SGCD: variants seen among roughly 807,000 people sequenced by gnomAD.
SGCD encodes the protein sarcoglycan delta.
A neutral mutation model predicts 36.6 loss-of-function variants in SGCD; 18 were observed. The ratio of observed to expected loss-of-function variants is 0.49; its 90% confidence interval spans 0.34 to 0.73. SGCD has a LOEUF of 0.73. Ranked by LOEUF, SGCD falls within the 30% of genes least tolerant of loss-of-function variation. The pLI is 0.01. For synonymous variants in SGCD, 133 were observed against 130.6 expected (o/e 1.02, Z -0.12); for missense variants, 387 against 346.7 (o/e 1.12, Z -0.92).
At chr5:156,136,567 G>GATAT (rs1762463485) in intron 3 of SGCD, among the ~76,000 whole-genome samples, 3 of 152,156 alleles carry the variant, frequency 2.0e-5, no homozygotes, top group Non-Finnish European at 4.4e-5. Flanking sequence ...TAGTGATATA[G>GATAT]AGGGAATTGT....
the SGCD span, among the ~76,000 whole-genome samples, chr5:155,741,364 A>G: frequency 2.0e-5 from 3 of 152,180 alleles, no homozygotes; most frequent in Admixed American, 2.0e-4. Context: ...TCTCTATAGA[A>G]TGTGGATTTT....
chr5:156,444,163 T>C (rs1753657695), intron 3 of SGCD, among the ~76,000 whole-genome samples: 1 of 138,752 alleles, frequency 7.2e-6, no homozygotes, highest in Non-Finnish European at 1.6e-5. Flanking sequence ...TCTCCTTCCC[T>C]CTCTCTCTCT....
At chr5:156,494,074 A>C (rs943738832) in intron 3 of SGCD, among the ~76,000 whole-genome samples, 2 of 152,100 alleles carry the variant, frequency 1.3e-5, no homozygotes, top group African/African-American at 4.8e-5. Flanking sequence ...GGTAGTTTGA[A>C]GATAAAGCAA....
At chr5:155,901,125 A>G (rs977372260) in intron 1 of SGCD, among the ~76,000 whole-genome samples, 1 of 152,062 alleles carries the variant, frequency 6.6e-6, no homozygotes, top group Non-Finnish European at 1.5e-5. Context: ...AGCCTGGCCA[A>G]CAAGGTGAAA....
chr5:156,275,584 A>G (rs1167164192), intron 3 of SGCD, among the ~76,000 whole-genome samples: 1 of 152,108 alleles, frequency 6.6e-6, no homozygotes, highest in Non-Finnish European at 1.5e-5. Flanking sequence ...TGTTCATTGG[A>G]TAGCATTACC....
intron 4 of SGCD, among the ~76,000 whole-genome samples, chr5:156,523,981 T>G (rs1019814639): frequency 5.3e-5 from 8 of 149,720 alleles, no homozygotes; most frequent in African/African-American, 2.0e-4. Context: ...CATTGTTTTG[T>G]CCAGAGTCAT....
intron 1 of SGCD, among the ~76,000 whole-genome samples, chr5:155,983,392 C>G (rs1362448643): frequency 2.0e-5 from 3 of 152,170 alleles, no homozygotes; most frequent in Admixed American, 6.5e-5. Flanking sequence ...CTCCACCTCC[C>G]AGGTTCGAGT....
chr5:156,481,393 T>C (rs766704978), intron 3 of SGCD, among the ~76,000 whole-genome samples: 1 of 152,188 alleles, frequency 6.6e-6, no homozygotes, highest in Non-Finnish European at 1.5e-5. Context: ...CTCAGCCAGT[T>C]GTAATAATGT....
intron 6 of SGCD, among the ~76,000 whole-genome samples, chr5:156,603,267 C>T (rs1761274285): frequency 6.6e-6 from 1 of 151,944 alleles, no homozygotes. Flanking sequence ...CATTTTATTT[C>T]TGTGGTATGA....
intron 3 of SGCD, among the ~76,000 whole-genome samples, chr5:156,383,920 G>T (rs1771131158): frequency 6.6e-6 from 1 of 152,156 alleles, no homozygotes; most frequent in African/African-American, 2.4e-5. Flanking sequence ...TTTGAATATG[G>T]CAAGAGACTC....
At chr5:156,031,934 T>C (rs766384340) in intron 1 of SGCD, among the ~76,000 whole-genome samples, 1 of 152,168 alleles carries the variant, frequency 6.6e-6, no homozygotes, top group Non-Finnish European at 1.5e-5. Context: ...TATATCAATT[T>C]ATATTATATG....
intron 3 of SGCD, among the ~76,000 whole-genome samples, chr5:156,288,696 T>C (rs555109505): frequency 6.6e-6 from 1 of 152,270 alleles, no homozygotes; most frequent in African/African-American, 2.4e-5. Flanking sequence ...GGCTTTTAAA[T>C]AAACATGTCT....
intron 4 of SGCD, among the ~76,000 whole-genome samples, chr5:156,577,485 G>T (rs567470131): frequency 6.6e-6 from 1 of 152,164 alleles, no homozygotes. Context: ...GAATGGCATT[G>T]AATCTATAAA....
chr5:156,289,530 TC>T (rs1766703275), intron 3 of SGCD, among the ~76,000 whole-genome samples: 1 of 152,042 alleles, frequency 6.6e-6, no homozygotes, highest in African/African-American at 2.4e-5. Flanking sequence ...ATTGTTCAGT[TC>T]CCACTTATAA....
At chr5:155,781,778 A>C in the SGCD span, among the ~76,000 whole-genome samples, 12,543 of 151,954 alleles carry the variant, frequency 0.083, 693 homozygotes, top group African/African-American at 0.15. Context: ...GCCCATTTTC[A>C]ATTATTCTTA....
intron 3 of SGCD, among the ~76,000 whole-genome samples, chr5:156,470,500 C>G (rs926179949): frequency 4.6e-5 from 7 of 152,108 alleles, no homozygotes; most frequent in Non-Finnish European, 7.4e-5. Flanking sequence ...CCCCTACCCC[C>G]ACCCCACCAC....
chr5:155,957,443 G>T (rs1757687025), intron 1 of SGCD, among the ~76,000 whole-genome samples: 1 of 152,114 alleles, frequency 6.6e-6, no homozygotes, highest in African/African-American at 2.4e-5. Context: ...CAGGATTACA[G>T]TTCTGAAGGT....
intron 1 of SGCD, among the ~76,000 whole-genome samples, chr5:155,957,608 A>G (rs1255752638): frequency 6.6e-6 from 1 of 151,932 alleles, no homozygotes; most frequent in Non-Finnish European, 1.5e-5. Flanking sequence ...TTTCATCTTC[A>G]AAGACAGCAA....
At chr5:155,935,332 G>A (rs941402790) in intron 1 of SGCD, among the ~76,000 whole-genome samples, 11 of 152,102 alleles carry the variant, frequency 7.2e-5, no homozygotes, top group Non-Finnish European at 1.6e-4. Context: ...ATTTGTTGAA[G>A]GTCCATCTTC....
Sources: allele counts gnomAD v4.1 joint callset (sites outside exome capture counted in the v4.1 genomes callset), GRCh38; gene constraint gnomAD v4.1.1; transcripts MANE v1.5; gene names NCBI Gene and HGNC (gene_info 2026-07-23, HGNC 2026-07-21).